The following AGBL3 variants were observed in gnomAD, a reference collection of about 807,000 sequenced individuals.
AGBL3 encodes the protein cytosolic carboxypeptidase 3.
A neutral mutation model predicts 94.5 loss-of-function variants in AGBL3; 68 were observed. That is an observed-to-expected ratio of 0.72 (90% CI 0.59 to 0.88). The LOEUF (loss-of-function observed/expected upper bound fraction) is 0.88, where lower values mean the gene tolerates loss of function less well. Among genes scored for constraint, AGBL3 ranks in the 40% least tolerant of loss-of-function variants. The pLI, the probability that AGBL3 is intolerant of heterozygous loss-of-function variation, is 0.00. For missense variants in AGBL3, 934 were observed against 1,103.8 expected (o/e 0.85, Z 2.18); for synonymous variants, 354 against 370.7 (o/e 0.95, Z 0.52).
At chr7:135,036,502 C>A (rs536285004) in intron 7 of AGBL3, among the ~76,000 whole-genome samples, 24 of 152,280 alleles carry the variant, frequency 1.6e-4, no homozygotes, top group African/African-American at 5.8e-4. Context: ...AGTCATCAAG[C>A]ACTCAATTTT....
At chr7:135,123,912 A>G (rs1322325636) in intron 16 of AGBL3, among the ~76,000 whole-genome samples, 2 of 152,216 alleles carry the variant, frequency 1.3e-5, no homozygotes, top group Admixed American at 6.5e-5. Context: ...ATGAAAAACA[A>G]AAACCAGTAC....
At chr7:134,988,277 T>C in intron 2 of AGBL3, 1 of 283,466 alleles carries the variant, frequency 3.5e-6, no homozygotes, top group Non-Finnish European at 6.7e-6. Flanking sequence ...ATTAGTAGGG[T>C]TTTAGTTTTA....
intron 12 of AGBL3, among the ~76,000 whole-genome samples, chr7:135,060,243 T>G (rs2116694894): frequency 6.6e-6 from 1 of 152,300 alleles, no homozygotes; most frequent in Non-Finnish European, 1.5e-5. Flanking sequence ...CTACATAATT[T>G]GTGTCATCAT....
intron 4 of AGBL3, among the ~76,000 whole-genome samples, chr7:135,003,306 A>G (rs1811959447): frequency 1.3e-5 from 2 of 152,044 alleles, no homozygotes; most frequent in Admixed American, 1.3e-4. Context: ...TTTAGGTCCA[A>G]TTTTGAATTC....
intron 9 of AGBL3, among the ~76,000 whole-genome samples, chr7:135,044,362 T>C (rs1470324494): frequency 6.6e-6 from 1 of 152,188 alleles, no homozygotes; most frequent in Non-Finnish European, 1.5e-5. Flanking sequence ...GATTTAAGCA[T>C]ATAAACAGAA....
chr7:135,086,578 G>C (rs991643235), intron 15 of AGBL3, among the ~76,000 whole-genome samples: 1 of 151,856 alleles, frequency 6.6e-6, no homozygotes, highest in Non-Finnish European at 1.5e-5. Context: ...GATGATCATA[G>C]GGTTTTTGTC....
intron 15 of AGBL3, among the ~76,000 whole-genome samples, chr7:135,100,675 T>G (rs1323150149): frequency 6.6e-6 from 1 of 152,242 alleles, no homozygotes; most frequent in Non-Finnish European, 1.5e-5. Flanking sequence ...TGGGCCTACT[T>G]TCACTTGGAT....
chr7:135,088,750 T>C (rs530848695), intron 15 of AGBL3, among the ~76,000 whole-genome samples: 69 of 152,338 alleles, frequency 4.5e-4, no homozygotes, highest in African/African-American at 1.6e-3. Context: ...GTTAGTCTAA[T>C]GATGATTCCC....
intron 16 of AGBL3, among the ~76,000 whole-genome samples, chr7:135,119,660 G>A (rs923351042): frequency 4.2e-4 from 64 of 152,096 alleles, no homozygotes; most frequent in African/African-American, 9.6e-4. Flanking sequence ...GGCAGATCAC[G>A]AGTTCAGGAG....
chr7:135,067,203 T>C (rs1326218667), intron 12 of AGBL3, among the ~76,000 whole-genome samples: 3 of 152,240 alleles, frequency 2.0e-5, no homozygotes, highest in African/African-American at 4.8e-5. Flanking sequence ...GCACCCACCA[T>C]TGCCGAGGCT....
intron 11 of AGBL3, among the ~76,000 whole-genome samples, chr7:135,054,405 A>G (rs1341220171): frequency 1.3e-5 from 2 of 152,238 alleles, no homozygotes; most frequent in African/African-American, 4.8e-5. Context: ...TTGTGTTTCA[A>G]AATAAGGAAA....
intron 16 of AGBL3, among the ~76,000 whole-genome samples, chr7:135,120,657 G>A (rs1335799176): frequency 3.9e-5 from 6 of 152,114 alleles, no homozygotes. Context: ...TTAACAGAAT[G>A]AATTTTAAAA....
chr7:135,073,465 C>A (rs981720437), intron 12 of AGBL3, among the ~76,000 whole-genome samples: 1 of 143,590 alleles, frequency 7.0e-6, no homozygotes, highest in Non-Finnish European at 1.5e-5. Context: ...TGCAAGACTC[C>A]GTCTCAAAAT....
At chr7:134,987,345 C>T (rs1372731797) in intron 1 of AGBL3, among the ~76,000 whole-genome samples, 2 of 152,150 alleles carry the variant, frequency 1.3e-5, no homozygotes, top group East Asian at 3.8e-4. Flanking sequence ...TGGTAATGGT[C>T]ATTACCAATA....
Position 135,080,279 on chromosome 7 carries a change from C to A in AGBL3, c.2038+19C>A, listed in dbSNP as rs890508698. ...GTGAAAGGTAATATTCTGCTTCTAC[C>A]TTCTCATAAACAATTAATTCATTTA... is the stretch of plus-strand genomic sequence containing the variant. On this transcript the variant is annotated intron_variant, in intron 14 of 16. Transcript: ENST00000436302. 2 of 1,541,236 alleles carry A rather than the reference C, an allele frequency of 1.3e-6. No individual in the cohort carries two copies. The highest frequency in any genetic ancestry group is 1.8e-6 in the Non-Finnish European group (2 of 1,138,748).
At chr7:135,017,267 C>A in intron 5 of AGBL3, 108 bp downstream of exon 5, 2 of 778,138 alleles carry the variant, frequency 2.6e-6, no homozygotes, top group South Asian at 1.5e-5. Context: ...GATGACCAGT[C>A]CCTAAACATA....
At chr7:135,119,486 T>C (rs1016099961) in intron 16 of AGBL3, among the ~76,000 whole-genome samples, 12 of 151,206 alleles carry the variant, frequency 7.9e-5, no homozygotes, top group Non-Finnish European at 1.3e-4. Context: ...CTCCCTCAGC[T>C]CCCAAAGTGC....
At chr7:135,097,207 G>A (rs1041005830) in intron 15 of AGBL3, among the ~76,000 whole-genome samples, 80 of 151,990 alleles carry the variant, frequency 5.3e-4, no homozygotes, top group African/African-American at 1.7e-3. Context: ...ATATCCCGTC[G>A]GTCAACAAAG....
intron 15 of AGBL3, among the ~76,000 whole-genome samples, chr7:135,113,881 T>C (rs933842045): frequency 1.3e-5 from 2 of 152,238 alleles, no homozygotes; most frequent in African/African-American, 2.4e-5. Flanking sequence ...TCTAGTCAAA[T>C]AGAATTCTAG....
Sources: allele counts gnomAD v4.1 joint callset (sites outside exome capture counted in the v4.1 genomes callset), GRCh38; gene constraint gnomAD v4.1.1; transcripts MANE v1.5; gene names NCBI Gene and HGNC (gene_info 2026-07-23, HGNC 2026-07-21).